The following SLC22A15 variants were observed in gnomAD, a reference collection of about 807,000 sequenced individuals.
SLC22A15 encodes flipt 1.
In SLC22A15, 45 loss-of-function variants were observed where a neutral mutation model predicts 62.7. That is an observed-to-expected ratio of 0.72 (90% confidence interval 0.56 to 0.92). The LOEUF is 0.92. Among genes scored for constraint, SLC22A15 ranks in the 40% least tolerant of loss-of-function variants. SLC22A15 has a pLI of 0.00. For missense variants in SLC22A15, 622 were observed against 665.6 expected, an observed-to-expected ratio of 0.93 and a Z score of 0.72; for synonymous variants, 264 against 267.0, an observed-to-expected ratio of 0.99 and a Z score of 0.11.
chr1:116,062,748 C>G lies in SLC22A15; in HGVS notation c.1172-14C>G. 4.3e-6 allele frequency: 7 copies of G among 1,613,668 alleles called. No individual in the cohort carries two copies. The highest frequency in any genetic ancestry group is 5.9e-6 in the Non-Finnish European group (7 of 1,179,656). On this transcript the variant is annotated splice_polypyrimidine_tract_variant and intron_variant, in intron 8 of 11. Transcript: ENST00000369503. ...AACTGTGGGTCTCACAGGCATTGCC[C>G]TTGTCCTCCTCAGACACAGGTGTGT...
At chr1:116,053,798 C>A (rs1258359668) in intron 8 of SLC22A15, among the ~76,000 whole-genome samples, 1 of 151,782 alleles carries the variant, frequency 6.6e-6, no homozygotes, top group Non-Finnish European at 1.5e-5. Context: ...CATATCCAGC[C>A]AAACTAAGCT....
chr1:116,027,947 A>G (rs955097029), intron 5 of SLC22A15, among the ~76,000 whole-genome samples: 21 of 152,258 alleles, frequency 1.4e-4, no homozygotes, highest in Non-Finnish European at 1.5e-5. Flanking sequence ...TGGTATATGA[A>G]AGGCTTTTCT....
chr1:116,046,912 C>A (rs1657943295), intron 8 of SLC22A15, among the ~76,000 whole-genome samples: 1 of 152,158 alleles, frequency 6.6e-6, no homozygotes. Context: ...GGAAGCCATT[C>A]CTGCCTGGCA....
chr1:115,976,654 G>C lies in SLC22A15; in HGVS notation c.27G>C (p.Ala9=), dbSNP rs767267461. MEVEEAFQ[A]VGEMGIYQMY... ...TGGAGGTGGAGGAGGCGTTCCAGGCGGTGGGGGAGATGGGCATCTACCAGA... is the reference window on the plus strand; with the variant it reads ...TGGAGGTGGAGGAGGCGTTCCAGGCCGTGGGGGAGATGGGCATCTACCAGA... The change falls in exon 1 of 12, where the codon GCG becomes GCC. Residue 9 remains alanine (A), a synonymous_variant. Coordinates refer to ENST00000369503, the MANE Select transcript of SLC22A15 (RefSeq NM_018420.3). 8.8e-6 allele frequency: 14 copies of C among 1,587,216 alleles called. No individual in the cohort carries two copies. The highest frequency in any genetic ancestry group is 7.1e-5 in the East Asian group (3 of 42,216).
At position 116,062,865 on chromosome 1, in the gene SLC22A15, T is replaced by C. The variant is rs779271858; in HGVS notation, c.1275T>C (p.Leu425=). 3 of 1,613,754 alleles carry C rather than the reference T, an allele frequency of 1.9e-6. No homozygotes were observed. The highest frequency in any genetic ancestry group is 2.5e-6 in the Non-Finnish European group (3 of 1,179,716). ...FNIVYIYTSE[L]YPTVIRNVGL... Reference sequence around the variant, plus strand: ...TTGTTTATATCTACACCTCTGAGCTTTACCCTACAGTCATCAGGTACGTGT... The same window carrying C: ...TTGTTTATATCTACACCTCTGAGCTCTACCCTACAGTCATCAGGTACGTGT... The change falls in exon 9 of 12, where the codon CTT becomes CTC. Residue 425 remains leucine (L), a synonymous_variant. Coordinates refer to ENST00000369503, the MANE Select transcript of SLC22A15 (RefSeq NM_018420.3).
chr1:115,992,307 T>C, intron 2 of SLC22A15, 64 bp downstream of exon 2: 1 of 1,331,612 alleles, frequency 7.5e-7, no homozygotes, highest in Admixed American at 2.2e-5. Flanking sequence ...AGCTACTCTT[T>C]TTGTCTTGCT....
At chr1:116,061,834 A>G (rs578220900) in intron 8 of SLC22A15, among the ~76,000 whole-genome samples, 24 of 152,354 alleles carry the variant, frequency 1.6e-4, no homozygotes, top group African/African-American at 5.8e-4. Context: ...TTACATTAAG[A>G]AACTAAAATA....
intron 8 of SLC22A15, among the ~76,000 whole-genome samples, chr1:116,060,692 G>T (rs1277615605): frequency 6.6e-6 from 1 of 152,180 alleles, no homozygotes; most frequent in Non-Finnish European, 1.5e-5. Context: ...AATAATTGAT[G>T]AATTTAATTT....
At chr1:115,993,128 G>A (rs1655236751) in intron 2 of SLC22A15, among the ~76,000 whole-genome samples, 1 of 152,126 alleles carries the variant, frequency 6.6e-6, no homozygotes, top group African/African-American at 2.4e-5. Flanking sequence ...AGAAACCCTG[G>A]ATGGGGGCAG....
At chr1:115,986,948 A>G (rs17035060) in intron 1 of SLC22A15, among the ~76,000 whole-genome samples, 4,215 of 152,272 alleles carry the variant, frequency 0.028, 200 homozygotes, top group African/African-American at 0.097. Context: ...TGGATAACAG[A>G]TTCCACTGCT....
chr1:116,048,824 T>G (rs1470351510), intron 8 of SLC22A15, among the ~76,000 whole-genome samples: 1 of 152,162 alleles, frequency 6.6e-6, no homozygotes, highest in Non-Finnish European at 1.5e-5. Flanking sequence ...GGATAAGAAC[T>G]CACCAAGCAA....
intron 9 of SLC22A15, among the ~76,000 whole-genome samples, chr1:116,063,944 G>A (rs946364207): frequency 6.6e-5 from 10 of 152,138 alleles, no homozygotes; most frequent in East Asian, 1.9e-4. Flanking sequence ...TGATTGACCT[G>A]TTAATTGTTA....
chr1:116,062,717 T>G (rs778470998), intron 8 of SLC22A15, 45 bp from the exon 9 acceptor site: 2 of 1,611,258 alleles, frequency 1.2e-6, no homozygotes, highest in South Asian at 2.2e-5. Flanking sequence ...TTAGAGGAAT[T>G]GTTTCAACTG....
intron 8 of SLC22A15, among the ~76,000 whole-genome samples, chr1:116,039,854 T>A (rs10429913): frequency 0.94 from 143,045 of 152,258 alleles, 67,769 homozygotes; most frequent in East Asian, 1. Flanking sequence ...GACTTTTTTT[T>A]ATCTCAAGTT....
At chr1:116,021,162 C>T (rs911607278) in intron 4 of SLC22A15, among the ~76,000 whole-genome samples, 1 of 152,160 alleles carries the variant, frequency 6.6e-6, no homozygotes. Context: ...TTGATTTCCT[C>T]GGAAGGACAC....
At chr1:116,032,466 G>A (rs1657454249) in intron 6 of SLC22A15, 1 of 985,154 alleles carries the variant, frequency 1.0e-6, no homozygotes. Flanking sequence ...TTCATGCAGG[G>A]ATAAAGGAAA....
intron 4 of SLC22A15, among the ~76,000 whole-genome samples, chr1:116,025,591 T>A (rs1557893625): frequency 6.6e-6 from 1 of 152,210 alleles, no homozygotes; most frequent in Non-Finnish European, 1.5e-5. Context: ...GTTTTGTCAC[T>A]GTGGAATGCC....
intron 8 of SLC22A15, among the ~76,000 whole-genome samples, chr1:116,058,393 T>C (rs1658282779): frequency 6.6e-6 from 1 of 152,044 alleles, no homozygotes; most frequent in East Asian, 1.9e-4. Flanking sequence ...ATCAGGGAAA[T>C]GCAAATGAAA....
chr1:115,979,151 C>T (rs557661397), intron 1 of SLC22A15, among the ~76,000 whole-genome samples: 114 of 152,184 alleles, frequency 7.5e-4, no homozygotes, highest in Non-Finnish European at 1.2e-3. Context: ...TTACCCCAAA[C>T]ACATCTATGT....
Sources: gnomAD v4.1 joint callset for allele counts (sites outside exome capture counted in the v4.1 genomes callset) on GRCh38, gnomAD v4.1.1 for gene constraint, MANE v1.5 for transcripts, NCBI Gene and HGNC (gene_info 2026-07-23, HGNC 2026-07-21) for gene names.